SCHIP1: variants seen among roughly 807,000 people sequenced by gnomAD.
SCHIP1 encodes schwannomin interacting protein 1.
A neutral mutation model predicts 29.7 loss-of-function variants in SCHIP1; 8 were observed. The observed-to-expected ratio is 0.27, with a 90% confidence interval of 0.16 to 0.49. SCHIP1 has a LOEUF of 0.49. Ranked by LOEUF, SCHIP1 falls within the 20% of genes least tolerant of loss-of-function variation. The pLI is 0.99. For missense variants in SCHIP1, 193 were observed against 294.6 expected (o/e 0.66, Z 2.52); for synonymous variants, 76 against 94.9 (o/e 0.80, Z 1.16).
At chr3:159,412,438 A>G in the SCHIP1 span, among the ~76,000 whole-genome samples, 19 of 152,212 alleles carry the variant, frequency 1.2e-4, no homozygotes, top group Non-Finnish European at 2.2e-4. Context: ...TAACTTTCCA[A>G]TCTGCATCCT....
the SCHIP1 span, among the ~76,000 whole-genome samples, chr3:159,715,636 G>A: frequency 6.6e-6 from 1 of 152,148 alleles, no homozygotes; most frequent in Admixed American, 6.5e-5. Flanking sequence ...TTGATCAACT[G>A]GAAGAAAGGG....
At chr3:159,472,096 G>T in the SCHIP1 span, among the ~76,000 whole-genome samples, 1 of 152,052 alleles carries the variant, frequency 6.6e-6, no homozygotes, top group Non-Finnish European at 1.5e-5. Flanking sequence ...GTTAACTCTT[G>T]TACTGGATAG....
At chr3:159,574,559 A>C in the SCHIP1 span, among the ~76,000 whole-genome samples, 1 of 152,326 alleles carries the variant, frequency 6.6e-6, no homozygotes, top group South Asian at 2.1e-4. Context: ...GTTAGGCTAC[A>C]CGGGGGTCAG....
chr3:159,811,731 C>G, the SCHIP1 span, among the ~76,000 whole-genome samples: 1 of 152,094 alleles, frequency 6.6e-6, no homozygotes, highest in South Asian at 2.1e-4. Flanking sequence ...AGTTTTCCAA[C>G]TTTGTTCTTT....
At chr3:159,817,055 G>C in the SCHIP1 span, among the ~76,000 whole-genome samples, 2 of 152,006 alleles carry the variant, frequency 1.3e-5, no homozygotes, top group Non-Finnish European at 2.9e-5. Context: ...TTGCCTTAAG[G>C]CTGGGACTGT....
chr3:159,672,013 A>G, the SCHIP1 span, among the ~76,000 whole-genome samples: 4 of 152,214 alleles, frequency 2.6e-5, no homozygotes, highest in Admixed American at 1.3e-4. Flanking sequence ...AAATCGCTCA[A>G]AACAATCCTT....
chr3:159,896,829 TA>T, exon 7 of SCHIP1: 2 of 1,548,762 alleles, frequency 1.3e-6, no homozygotes, highest in East Asian at 2.4e-5. Context: ...TCTGTGGTTG[TA>T]AAAATGCTGT....
chr3:159,534,958 C>T, the SCHIP1 span, among the ~76,000 whole-genome samples: 5 of 152,210 alleles, frequency 3.3e-5, no homozygotes, highest in African/African-American at 4.8e-5. Context: ...TTCTCCCTTT[C>T]GTAAGAAGTT....
At chr3:159,360,735 T>A in the SCHIP1 span, among the ~76,000 whole-genome samples, 58 of 152,302 alleles carry the variant, frequency 3.8e-4, no homozygotes, top group South Asian at 8.3e-4. Flanking sequence ...GCTTTTTTTT[T>A]AAATTAGGCC....
chr3:159,279,313 T>C, the SCHIP1 span, among the ~76,000 whole-genome samples: 1 of 152,092 alleles, frequency 6.6e-6, no homozygotes, highest in Admixed American at 6.6e-5. Flanking sequence ...GTGCCTTTGC[T>C]CCTCCTTCAC....
At chr3:159,335,038 T>G in the SCHIP1 span, among the ~76,000 whole-genome samples, 1 of 152,014 alleles carries the variant, frequency 6.6e-6, no homozygotes, top group African/African-American at 2.4e-5. Flanking sequence ...TAGCTGGGAT[T>G]ACAGGTGTGT....
chr3:159,383,247 C>G, the SCHIP1 span, among the ~76,000 whole-genome samples: 1 of 151,574 alleles, frequency 6.6e-6, no homozygotes, highest in African/African-American at 2.4e-5. Flanking sequence ...TTAGGTCTAA[C>G]ATGTAAGTCT....
upstream of SCHIP1, among the ~76,000 whole-genome samples, chr3:159,838,537 G>C (rs377114870): frequency 5.3e-5 from 8 of 152,158 alleles, no homozygotes; most frequent in South Asian, 1.7e-3. Context: ...TTAATTTGAT[G>C]GTTTAAATTC....
chr3:159,553,133 T>C, the SCHIP1 span, among the ~76,000 whole-genome samples: 6 of 152,098 alleles, frequency 3.9e-5, no homozygotes, highest in Admixed American at 1.3e-4. Flanking sequence ...ATATTTCTAA[T>C]TACAAATATT....
At chr3:159,828,423 A>G in the SCHIP1 span, among the ~76,000 whole-genome samples, 22 of 104,832 alleles carry the variant, frequency 2.1e-4, 1 homozygote, top group Non-Finnish European at 3.9e-4. Context: ...ATATACGTAT[A>G]TATATACGTA....
the SCHIP1 span, among the ~76,000 whole-genome samples, chr3:159,653,130 A>T: frequency 3.4e-3 from 525 of 152,300 alleles, 6 homozygotes; most frequent in African/African-American, 0.012. Flanking sequence ...ACACTTTTAC[A>T]CTGTTGGTGG....
the SCHIP1 span, among the ~76,000 whole-genome samples, chr3:159,554,474 A>C: frequency 6.6e-6 from 1 of 152,144 alleles, no homozygotes; most frequent in Non-Finnish European, 1.5e-5. Context: ...AAATCGTATT[A>C]ACAAGGCTCC....
At chr3:159,283,214 A>G in the SCHIP1 span, among the ~76,000 whole-genome samples, 1 of 152,200 alleles carries the variant, frequency 6.6e-6, no homozygotes, top group South Asian at 2.1e-4. Context: ...ATGCAGTGGT[A>G]TGATCTCAGC....
chr3:159,664,389 T>A, the SCHIP1 span, among the ~76,000 whole-genome samples: 1 of 152,226 alleles, frequency 6.6e-6, no homozygotes, highest in Non-Finnish European at 1.5e-5. Context: ...CGGATTTTTT[T>A]AAAAGCATAG....
Sources: allele counts gnomAD v4.1 joint callset (sites outside exome capture counted in the v4.1 genomes callset), GRCh38; gene constraint gnomAD v4.1.1; transcripts MANE v1.5; gene names NCBI Gene and HGNC (gene_info 2026-07-23, HGNC 2026-07-21).